Variants in ACTR3C observed in about 807,000 individuals in gnomAD.
ACTR3C encodes the protein actin-related protein 3C.
A neutral mutation model predicts 26.3 loss-of-function variants in ACTR3C; 18 were observed. That is an observed-to-expected ratio of 0.68 (90% confidence interval 0.47 to 1.01). The LOEUF is 1.01. Among genes scored for constraint, ACTR3C ranks in the 50% least tolerant of loss-of-function variants. The pLI, the probability that ACTR3C is intolerant of heterozygous loss-of-function variation, is 0.00. For synonymous variants in ACTR3C, 55 were observed against 94.5 expected, an observed-to-expected ratio of 0.58 and a Z score of 2.42; for missense variants, 184 against 250.7, an observed-to-expected ratio of 0.73 and a Z score of 1.80.
At chr7:150,174,314 T>A in the ACTR3C span, among the ~76,000 whole-genome samples, 7 of 137,798 alleles carry the variant, frequency 5.1e-5, no homozygotes, top group Admixed American at 4.8e-4. Context: ...CAAGAGAAAA[T>A]GAGGAAGAAG....
the ACTR3C span, among the ~76,000 whole-genome samples, chr7:150,229,237 A>G: frequency 6.6e-6 from 1 of 151,924 alleles, no homozygotes; most frequent in East Asian, 1.9e-4. Flanking sequence ...AGGAGTGGTG[A>G]GAAGAAGCAA....
the ACTR3C span, among the ~76,000 whole-genome samples, chr7:150,116,825 G>C: frequency 6.6e-6 from 1 of 152,142 alleles, no homozygotes; most frequent in East Asian, 1.9e-4. Context: ...CCGATCTGCA[G>C]CTCCCAGCGA....
chr7:150,058,131 C>G, the ACTR3C span, among the ~76,000 whole-genome samples: 122 of 152,268 alleles, frequency 8.0e-4, no homozygotes, highest in Middle Eastern at 3.4e-3. Flanking sequence ...AAGAGTTCTA[C>G]AGTGCTATCT....
the ACTR3C span, among the ~76,000 whole-genome samples, chr7:150,048,158 G>A: frequency 1.3e-5 from 2 of 152,006 alleles, no homozygotes; most frequent in African/African-American, 4.8e-5. Context: ...CCACAGCCAC[G>A]TACGGCCTAA....
the ACTR3C span, among the ~76,000 whole-genome samples, chr7:149,888,964 C>T: frequency 1.1e-4 from 17 of 151,442 alleles, no homozygotes; most frequent in South Asian, 2.1e-4. Flanking sequence ...GCTGAGATCA[C>T]GCCACTGCAC....
the ACTR3C span, among the ~76,000 whole-genome samples, chr7:149,936,215 C>T: frequency 2.0e-5 from 3 of 152,120 alleles, no homozygotes; most frequent in Non-Finnish European, 4.4e-5. Flanking sequence ...TTAGAAACAC[C>T]AAAGCTTCAA....
the ACTR3C span, among the ~76,000 whole-genome samples, chr7:150,082,583 C>T: frequency 6.6e-6 from 1 of 152,084 alleles, no homozygotes; most frequent in Non-Finnish European, 1.5e-5. Flanking sequence ...CTGTGGCTAC[C>T]ACATATAACC....
At chr7:150,315,490 G>C (rs1400349759) in intron 1 of ACTR3C, among the ~76,000 whole-genome samples, 2 of 152,138 alleles carry the variant, frequency 1.3e-5, no homozygotes, top group African/African-American at 4.8e-5. Context: ...AACATGCTCA[G>C]GATGGAAGAA....
chr7:150,314,731 C>T (rs1049669168), intron 1 of ACTR3C, among the ~76,000 whole-genome samples: 6 of 149,478 alleles, frequency 4.0e-5, no homozygotes, highest in Non-Finnish European at 8.9e-5. Flanking sequence ...TCCCTTGAGC[C>T]CAAGACCAGC....
At chr7:149,967,317 A>C in the ACTR3C span, among the ~76,000 whole-genome samples, 2 of 151,832 alleles carry the variant, frequency 1.3e-5, no homozygotes, top group Admixed American at 1.3e-4. Flanking sequence ...TTACAGGCAT[A>C]AGCCACGGTG....
the ACTR3C span, chr7:149,891,230 T>C: frequency 3.9e-6 from 5 of 1,276,336 alleles, no homozygotes; most frequent in Non-Finnish European, 5.5e-6. Flanking sequence ...CTCGAAGATA[T>C]TTAAAAACCA....
At chr7:149,929,371 T>C in the ACTR3C span, among the ~76,000 whole-genome samples, 1 of 125,828 alleles carries the variant, frequency 7.9e-6, no homozygotes, top group South Asian at 2.5e-4. Context: ...GAGGTTGCAC[T>C]GAGCAGAGAT....
At chr7:150,008,464 TA>T in the ACTR3C span, among the ~76,000 whole-genome samples, 6 of 152,234 alleles carry the variant, frequency 3.9e-5, no homozygotes, top group African/African-American at 1.4e-4. Context: ...AAATTTTCAT[TA>T]ATTTTAATTA....
At chr7:150,034,619 T>G in the ACTR3C span, among the ~76,000 whole-genome samples, 3 of 151,734 alleles carry the variant, frequency 2.0e-5, no homozygotes, top group East Asian at 1.9e-4. Context: ...CCTGCTTTCT[T>G]TCTGTTCCCG....
the ACTR3C span, among the ~76,000 whole-genome samples, chr7:150,147,982 C>G: frequency 6.8e-6 from 1 of 147,656 alleles, no homozygotes; most frequent in Non-Finnish European, 1.5e-5. Context: ...ACAACACACA[C>G]TGAAGCCTGC....
chr7:150,216,142 T>C, the ACTR3C span, among the ~76,000 whole-genome samples: 1 of 151,708 alleles, frequency 6.6e-6, no homozygotes, highest in South Asian at 2.1e-4. Context: ...AAAACAGATA[T>C]GAAATATAAA....
the ACTR3C span, chr7:150,045,024 G>A: frequency 3.9e-5 from 6 of 152,198 alleles, no homozygotes; most frequent in Non-Finnish European, 8.8e-5. Flanking sequence ...TGTTGAAAAG[G>A]AAAGCCTCGG....
At chr7:150,202,487 A>T in the ACTR3C span, among the ~76,000 whole-genome samples, 1 of 152,168 alleles carries the variant, frequency 6.6e-6, no homozygotes, top group South Asian at 2.1e-4. Flanking sequence ...TTAGTAAGTA[A>T]ATGTCATTCA....
At chr7:149,882,766 A>C in the ACTR3C span, among the ~76,000 whole-genome samples, 1 of 152,240 alleles carries the variant, frequency 6.6e-6, no homozygotes, top group African/African-American at 2.4e-5. Context: ...AGATCTGTGC[A>C]GGGGGACTGG....
Sources: gnomAD v4.1 joint callset for allele counts (sites outside exome capture counted in the v4.1 genomes callset) on GRCh38, gnomAD v4.1.1 for gene constraint, MANE v1.5 for transcripts, NCBI Gene and HGNC (gene_info 2026-07-23, HGNC 2026-07-21) for gene names.